SEMA3C: variants seen among roughly 807,000 people sequenced by gnomAD.
SEMA3C encodes semaphorin 3C, also known as semaphorin-3C.
A neutral mutation model predicts 89.4 loss-of-function variants in SEMA3C; 47 were observed. That is an observed-to-expected ratio of 0.53 (90% CI 0.42 to 0.67). The LOEUF (loss-of-function observed/expected upper bound fraction) is 0.67. Ranked by LOEUF, SEMA3C falls within the 30% of genes least tolerant of loss-of-function variation. The probability of loss-of-function intolerance (pLI) is 0.00; values close to 1 mark genes in which losing one functional copy is unlikely to be tolerated. For missense variants in SEMA3C, 839 were observed against 929.1 expected (o/e 0.90, Z 1.26); for synonymous variants, 310 against 320.2 (o/e 0.97, Z 0.34).
chr7:80,768,790 G>T (rs887773525), intron 12 of SEMA3C, among the ~76,000 whole-genome samples: 6 of 151,670 alleles, frequency 4.0e-5, no homozygotes, highest in Admixed American at 3.9e-4. Flanking sequence ...CAAGATTTGT[G>T]TGTGTGTGTG....
At chr7:80,797,091 T>C (rs1321306172) in intron 11 of SEMA3C, among the ~76,000 whole-genome samples, 2 of 152,290 alleles carry the variant, frequency 1.3e-5, no homozygotes, top group East Asian at 1.9e-4. Flanking sequence ...TTTACATAAA[T>C]GTATCTTTTG....
intron 12 of SEMA3C, among the ~76,000 whole-genome samples, chr7:80,788,039 T>C (rs1358069005): frequency 2.6e-5 from 4 of 152,140 alleles, no homozygotes; most frequent in Non-Finnish European, 4.4e-5. Flanking sequence ...TATGGGGTTT[T>C]CAAGAATAAA....
intron 2 of SEMA3C, chr7:80,915,834 A>G (rs1340465160): frequency 6.8e-6 from 1 of 146,776 alleles, no homozygotes; most frequent in East Asian, 2.0e-4. Context: ...AAATGAAAGA[A>G]AAAGTACTTG....
chr7:80,882,522 G>A (rs1290038112), intron 2 of SEMA3C, among the ~76,000 whole-genome samples: 9 of 142,438 alleles, frequency 6.3e-5, no homozygotes, highest in Non-Finnish European at 1.0e-4. Context: ...ACCTCATAGA[G>A]CTCATGACAC....
chr7:80,763,235 C>T (rs1014021382), intron 13 of SEMA3C, among the ~76,000 whole-genome samples: 1 of 152,202 alleles, frequency 6.6e-6, no homozygotes, highest in African/African-American at 2.4e-5. Context: ...GAATTTTCTG[C>T]AGTACATCAG....
chr7:80,766,087 T>C (rs1332269927), intron 12 of SEMA3C, among the ~76,000 whole-genome samples: 1 of 152,192 alleles, frequency 6.6e-6, no homozygotes, highest in Non-Finnish European at 1.5e-5. Flanking sequence ...TTCGACATGG[T>C]GAAATGTTTC....
intron 2 of SEMA3C, among the ~76,000 whole-genome samples, chr7:80,885,220 T>A (rs538108514): frequency 1.3e-5 from 2 of 152,274 alleles, no homozygotes; most frequent in African/African-American, 4.8e-5. Context: ...AATACCTTTT[T>A]TTGTTTGTTT....
chr7:80,788,422 G>C (rs962953701), intron 12 of SEMA3C, among the ~76,000 whole-genome samples: 2 of 152,154 alleles, frequency 1.3e-5, no homozygotes, highest in Non-Finnish European at 2.9e-5. Flanking sequence ...ACTTTAGCGT[G>C]CATCAGAATT....
chr7:80,758,539 A>C, intron 14 of SEMA3C, 51 bp from the exon 15 acceptor site: 1 of 1,552,400 alleles, frequency 6.4e-7, no homozygotes, highest in South Asian at 1.1e-5. Flanking sequence ...TTAAAAGAAG[A>C]CTTTCAGCAG....
intron 2 of SEMA3C, among the ~76,000 whole-genome samples, chr7:80,886,714 T>C (rs1432411195): frequency 2.0e-5 from 3 of 152,184 alleles, no homozygotes; most frequent in African/African-American, 4.8e-5. Context: ...ATCTTAGAAG[T>C]TGCTTGGTTA....
intron 2 of SEMA3C, among the ~76,000 whole-genome samples, chr7:80,860,391 TC>T (rs1359038942): frequency 2.6e-5 from 4 of 152,174 alleles, no homozygotes; most frequent in Non-Finnish European, 5.9e-5. Flanking sequence ...CTATCATGTC[TC>T]CTTTCACAGT....
At chr7:80,818,212 A>G (rs532225163) in intron 5 of SEMA3C, 87 bp downstream of exon 5, 8 of 1,243,976 alleles carry the variant, frequency 6.4e-6, no homozygotes, top group Middle Eastern at 2.2e-4. Context: ...ATGAATATTG[A>G]TATGTCCAAG....
chr7:80,883,163 CT>C (rs1251984500), intron 2 of SEMA3C, among the ~76,000 whole-genome samples: 3 of 152,068 alleles, frequency 2.0e-5, no homozygotes, highest in Non-Finnish European at 2.9e-5. Flanking sequence ...CCTATATGTG[CT>C]TTTTTTATAC....
intron 2 of SEMA3C, among the ~76,000 whole-genome samples, chr7:80,897,582 C>T (rs550698559): frequency 5.9e-5 from 9 of 151,706 alleles, no homozygotes; most frequent in Admixed American, 2.0e-4. Flanking sequence ...TGCCCAGATA[C>T]GAAGAGGGAT....
In SEMA3C at chr7:80,828,662, G is replaced by T; in HGVS notation, c.187C>A (p.Gln63Lys). Residue 63 changes from glutamine to lysine, a missense_variant, in exon 3 of 18, where the codon CAG becomes AAG. By Grantham distance (53) the Gln-to-Lys change is moderately conservative. Transcript: ENST00000265361. ...TTGCTTCCCACATATATCCGGTCCT[G>T]ATCTTCATCCATTAATAAAATCCTG... ...DYRILLMDEDQDRIYVGSKDH... is the reference protein window; with the variant it reads ...DYRILLMDEDKDRIYVGSKDH... The T allele has an allele frequency of 3.7e-6, 6 of 1,611,870 alleles. No homozygotes were observed. Among genetic ancestry groups the T allele is most frequent in the Non-Finnish European group, 4.2e-6 (5 of 1,178,366 alleles).
intron 2 of SEMA3C, among the ~76,000 whole-genome samples, chr7:80,902,657 CATG>C (rs1489717332): frequency 6.6e-6 from 1 of 152,178 alleles, no homozygotes; most frequent in Non-Finnish European, 1.5e-5. Context: ...CACATGTCGT[CATG>C]ATATCACAAC....
chr7:80,891,750 T>C (rs1283050011), intron 2 of SEMA3C, among the ~76,000 whole-genome samples: 1 of 152,142 alleles, frequency 6.6e-6, no homozygotes, highest in Admixed American at 6.6e-5. Context: ...GTTACAAAAC[T>C]ATGAGGACTA....
intron 2 of SEMA3C, among the ~76,000 whole-genome samples, chr7:80,907,875 T>C (rs1792052052): frequency 6.6e-6 from 1 of 152,082 alleles, no homozygotes; most frequent in Non-Finnish European, 1.5e-5. Flanking sequence ...CTCCAACGTA[T>C]CCACCATACC....
chr7:80,797,150 G>A (rs1426578997), intron 11 of SEMA3C, among the ~76,000 whole-genome samples: 2 of 150,020 alleles, frequency 1.3e-5, no homozygotes, highest in Admixed American at 1.3e-4. Context: ...TATAATTATA[G>A]CCCTATTTTA....
Sources: allele counts gnomAD v4.1 joint callset (sites outside exome capture counted in the v4.1 genomes callset), GRCh38; gene constraint gnomAD v4.1.1; transcripts MANE v1.5; gene names NCBI Gene and HGNC (gene_info 2026-07-23, HGNC 2026-07-21).